The following STARD7 variants were observed in gnomAD, a reference collection of about 807,000 sequenced individuals.
STARD7 encodes the protein StAR related lipid transfer domain containing 7.
Under a neutral mutation model 45.3 loss-of-function variants are expected in STARD7, and 30 were observed. The ratio of observed to expected loss-of-function variants is 0.66; its 90% CI spans 0.50 to 0.90. The LOEUF (loss-of-function observed/expected upper bound fraction) is 0.90, where lower values mean the gene tolerates loss of function less well. STARD7 is among the 40% of genes least tolerant of loss of function. The probability of loss-of-function intolerance (pLI) is 0.00; values close to 1 mark genes in which losing one functional copy is unlikely to be tolerated. For synonymous variants in STARD7, 199 were observed against 183.0 expected (o/e 1.09, Z -0.70); for missense variants, 495 against 491.3 (o/e 1.01, Z -0.07).
rs149408147 is a variant in STARD7, at chr2:96,200,950, A to G, written c.291-5401T>C. On this transcript the variant is annotated intron_variant, in intron 1 of 7. Coordinates refer to ENST00000337288, the MANE Select transcript of STARD7 (RefSeq NM_020151.4). ...ACTGAAGAAGACCCAAATTACTGCT[A>G]CACTGTCTGAAATGCCTTTTCACCC... 2.4e-3 allele frequency among the ~76,000 whole-genome samples: 363 copies of G among 152,338 alleles called. 2 individuals are homozygous for G. The highest frequency in any genetic ancestry group is 8.4e-3 in the African/African-American group (350 of 41,570).
chr2:96,200,149 C>T (rs1253036142), intron 1 of STARD7, among the ~76,000 whole-genome samples: 2 of 152,164 alleles, frequency 1.3e-5, no homozygotes, highest in East Asian at 3.8e-4. Flanking sequence ...TCACAGCTCA[C>T]TACAGCCTTA....
At chr2:96,192,934 T>C (rs1683147908) in intron 5 of STARD7, 144 bp downstream of exon 5, 1 of 657,486 alleles carries the variant, frequency 1.5e-6, no homozygotes, top group Non-Finnish European at 2.7e-6. Context: ...GAGTCCCTCA[T>C]CTTCTAGCTG....
chr2:96,192,270 T>G (rs944181112), intron 6 of STARD7, 99 bp downstream of exon 6: 6 of 976,020 alleles, frequency 6.1e-6, no homozygotes, highest in Non-Finnish European at 9.9e-6. Flanking sequence ...GCGAGAACTG[T>G]TCCTGCGCCA....
In STARD7 at chr2:96,190,974, C is replaced by T. The variant is rs532594035; in HGVS notation, c.843+1395G>A. Among the ~76,000 whole-genome samples, 18 of 152,046 alleles carry T rather than the reference C, an allele frequency of 1.2e-4. No individual in the cohort carries two copies. The South Asian group carries it at 1.9e-3, about 16-fold the overall frequency. On this transcript the variant is annotated intron_variant, in intron 6 of 7. Transcript: ENST00000337288. ...AGTCCAGGAGTTTGAGACCAGCCTG[C>T]GCAGCATGGTGAGACCCCATCTCTA...
intron 1 of STARD7, among the ~76,000 whole-genome samples, chr2:96,200,374 CAA>C (rs1280831878): frequency 6.6e-6 from 1 of 152,052 alleles, no homozygotes; most frequent in African/African-American, 2.4e-5. Flanking sequence ...TCACCGGCTG[CAA>C]AAAGTTTTAA....
At chr2:96,204,749 CAAAA>C (rs397959036) in intron 1 of STARD7, among the ~76,000 whole-genome samples, 4 of 96,148 alleles carry the variant, frequency 4.2e-5, no homozygotes, top group African/African-American at 1.6e-4. Context: ...TGACAATGGC[CAAAA>C]AAAAAAAAAA....
Position 96,201,312 on chromosome 2 carries a change from C to T in STARD7, c.291-5763G>A, listed in dbSNP as rs144769938. Among the ~76,000 whole-genome samples, 639 of 151,340 alleles carry T rather than the reference C, an allele frequency of 4.2e-3. 2 individuals are homozygous for T. The highest frequency in any genetic ancestry group is 0.014 in the African/African-American group (575 of 41,218). On this transcript the variant is annotated intron_variant, in intron 1 of 7. Transcript: ENST00000337288. ...CATTAAGGCCTGGGGCAGTGGTTCA[C>T]GCCTATAATCCTCAGCATTTTGGGA...
rs1026852584 is a variant in STARD7 at position 96,185,596 on chromosome 2, A to T, written c.*1134T>A. 1.3e-5 allele frequency: 2 copies of T among 152,330 alleles called. No homozygotes were observed. Among genetic ancestry groups the T allele is most frequent in the Admixed American group, 1.3e-4 (2 of 15,306 alleles). 9.4% of individuals were successfully genotyped at this position (152,330 alleles called of 1,614,324 possible). The stretch of plus-strand genomic sequence containing the variant: ...CTGAAGAGAGGAAGAAAAACTTTTT[A>T]GAGGAACTTAATGGTAACATAAACC... On this transcript the variant is annotated 3_prime_UTR_variant, in exon 8 of 8. Transcript: ENST00000337288.
intron 1 of STARD7, among the ~76,000 whole-genome samples, chr2:96,203,986 C>T (rs1375502665): frequency 6.6e-6 from 1 of 151,584 alleles, no homozygotes; most frequent in African/African-American, 2.4e-5. Flanking sequence ...AGACATAGAG[C>T]CAGGCGCCTG....
chr2:96,193,031 G>T (rs1356513479), intron 5 of STARD7, 47 bp downstream of exon 5: 3 of 1,394,378 alleles, frequency 2.2e-6, no homozygotes, highest in South Asian at 2.4e-5. Flanking sequence ...AGGAATGAAG[G>T]CCACAGCTAA....
At chr2:96,196,130 C>CA (rs1227881018) in intron 1 of STARD7, among the ~76,000 whole-genome samples, 1 of 137,432 alleles carries the variant, frequency 7.3e-6, no homozygotes, top group Non-Finnish European at 1.6e-5. Flanking sequence ...AAAAAAAAAA[C>CA]AAAAAACAAA....
chr2:96,208,245 G>A lies in STARD7; in HGVS notation c.190C>T (p.Arg64Trp). The change falls in exon 1 of 8, where the codon CGG (arginine) becomes TGG (tryptophan). Residue 64 changes from arginine to tryptophan, a missense_variant. Transcript: ENST00000337288. ...GCATGGCCAGGACGGCCGTGCAGCC[G>A]GCGCCAGAGGCGGCCGAGGAGAACG... ...RRVLLGRLWR[R>W]LHGRPGHASA... 3 of 1,612,158 alleles carry A rather than the reference G, an allele frequency of 1.9e-6. No individual in the cohort carries two copies. The highest frequency in any genetic ancestry group is 2.2e-5 in the South Asian group (2 of 90,970).
intron 1 of STARD7, among the ~76,000 whole-genome samples, chr2:96,197,066 C>CAAAATAAAATAATATAAAAT (rs1683223101): frequency 1.1e-5 from 1 of 89,740 alleles, no homozygotes; most frequent in Non-Finnish European, 2.3e-5. Flanking sequence ...AACTCCGTCT[C>CAAAATAAAATAATATAAAAT]AAAATAAAAT....
chr2:96,190,520 T>C lies in STARD7; in HGVS notation c.843+1849A>G, dbSNP rs187042934. On this transcript the variant is annotated intron_variant, in intron 6 of 7. Transcript: ENST00000337288. Reference sequence around the variant, plus strand: ...GCCTGGATAATTTTTGTACTTTTAGTAGAGACAGGGTTTCACCATGTTGGC... The same window carrying C: ...GCCTGGATAATTTTTGTACTTTTAGCAGAGACAGGGTTTCACCATGTTGGC... Among the ~76,000 whole-genome samples the C allele has an allele frequency of 1.9e-3, 288 of 152,184 alleles. 2 individuals are homozygous for C. The highest frequency in any genetic ancestry group is 6.1e-3 in the African/African-American group (253 of 41,528).
At position 96,208,527 on chromosome 2, in the gene STARD7, C is replaced by G; in HGVS notation, c.-93G>C. On this transcript the variant is annotated 5_prime_UTR_variant, in exon 1 of 8. Coordinates refer to ENST00000337288, the MANE Select transcript of STARD7 (RefSeq NM_020151.4). ...GTGGTCGCAGCGTCCCCCTAAATGGCCGGCCACGAACCCGTCTCACGGTCC... is the reference window on the plus strand; with the variant it reads ...GTGGTCGCAGCGTCCCCCTAAATGGGCGGCCACGAACCCGTCTCACGGTCC... 1 of 1,163,680 alleles carries G rather than the reference C, an allele frequency of 8.6e-7. No individual in the cohort carries two copies. Among genetic ancestry groups the G allele is most frequent in the South Asian group, 2.2e-5 (1 of 46,478 alleles). The allele number at this position is 1,163,680 out of a possible 1,614,324, so 72.1% of individuals were successfully genotyped here.
At chr2:96,188,300 A>G in intron 6 of STARD7, among the ~76,000 whole-genome samples, 1 of 101,598 alleles carries the variant, frequency 9.8e-6, no homozygotes, top group Non-Finnish European at 1.8e-5. Flanking sequence ...TTTGAGACAG[A>G]GTTTCGTTCT....
intron 3 of STARD7, 139 bp from the exon 4 acceptor site, chr2:96,193,491 T>C: frequency 1.5e-6 from 1 of 655,866 alleles, no homozygotes; most frequent in Non-Finnish European, 2.7e-6. Flanking sequence ...AGTGCCAGAG[T>C]GTGAGAGACA....
intron 1 of STARD7, 25 bp from the exon 2 acceptor site, chr2:96,195,574 G>A (rs1462508905): frequency 5.7e-6 from 9 of 1,587,170 alleles, no homozygotes; most frequent in Non-Finnish European, 6.9e-6. Flanking sequence ...AAGAGCCATG[G>A]TGAGGTGGTT....
At chr2:96,205,184 AG>A (rs1288420815) in intron 1 of STARD7, among the ~76,000 whole-genome samples, 1 of 152,244 alleles carries the variant, frequency 6.6e-6, no homozygotes, top group African/African-American at 2.4e-5. Flanking sequence ...AAGTATTAAA[AG>A]ATCTGATTTC....
Sources: gnomAD v4.1 joint callset for allele counts (sites outside exome capture counted in the v4.1 genomes callset) on GRCh38, gnomAD v4.1.1 for gene constraint, MANE v1.5 for transcripts, NCBI Gene and HGNC (gene_info 2026-07-23, HGNC 2026-07-21) for gene names.